INCA1: variants seen among roughly 807,000 people sequenced by gnomAD.
The protein encoded by INCA1 is protein INCA1.
Under a neutral mutation model 25.7 loss-of-function variants are expected in INCA1, and 28 were observed. That is an observed-to-expected ratio of 1.09 (90% CI 0.81 to 1.49). The LOEUF (loss-of-function observed/expected upper bound fraction) is 1.49, where lower values mean the gene tolerates loss of function less well. INCA1 is among the 40% of genes most tolerant of loss of function. The pLI is 0.00. For missense variants in INCA1, 309 were observed against 290.9 expected (o/e 1.06, Z -0.45); for synonymous variants, 111 against 103.6 (o/e 1.07, Z -0.43).
At chr17:4,989,898 G>C in exon 4 of INCA1, 1 of 1,614,208 alleles carries the variant, frequency 6.2e-7, no homozygotes, top group African/African-American at 1.3e-5. Flanking sequence ...ACCAGCATGG[G>C]TGGAATGTGC....
intron 1 of INCA1, chr17:4,996,756 A>G (rs1462761115): frequency 1.3e-5 from 2 of 152,304 alleles, no homozygotes; most frequent in African/African-American, 4.8e-5. Flanking sequence ...GCCAGCTGGA[A>G]CTGTAGAGGT....
At chr17:4,995,263 T>C (rs905618689) in intron 1 of INCA1, among the ~76,000 whole-genome samples, 2 of 151,616 alleles carry the variant, frequency 1.3e-5, no homozygotes, top group South Asian at 2.1e-4. Flanking sequence ...AGGTTGAAGA[T>C]AGTGAGCACA....
exon 6 of INCA1, chr17:4,988,872 T>A: frequency 1.9e-6 from 3 of 1,614,212 alleles, no homozygotes; most frequent in Non-Finnish European, 2.5e-6. Context: ...TGCTGGGGAA[T>A]CCACAGCCCT....
Position 4,994,389 on chromosome 17 carries a change from C to T in INCA1, c.44+5G>A, listed in dbSNP as rs753818002. On this transcript the variant is annotated splice_donor_5th_base_variant and intron_variant, in intron 2 of 6. Coordinates refer to ENST00000576820, the Ensembl canonical transcript of INCA1. ...CCATGCTCCCCACCCAGTGGGAGGA[C>T]TCACTTGGCAAAGGGGATGAGGTTG... 6.8e-6 allele frequency: 11 copies of T among 1,613,700 alleles called. No homozygotes were observed. Among genetic ancestry groups the T allele is most frequent in the Non-Finnish European group, 9.3e-6 (11 of 1,179,854 alleles).
intron 2 of INCA1, among the ~76,000 whole-genome samples, chr17:4,994,124 T>C (rs1974065762): frequency 6.6e-6 from 1 of 152,194 alleles, no homozygotes; most frequent in Non-Finnish European, 1.5e-5. Context: ...TGTATTTGTT[T>C]GCACATTCTG....
intron 2 of INCA1, among the ~76,000 whole-genome samples, chr17:4,992,341 GACCCAA>G (rs1207793992): frequency 6.6e-6 from 1 of 152,124 alleles, no homozygotes; most frequent in Non-Finnish European, 1.5e-5. Flanking sequence ...GGAGTGCAGT[GACCCAA>G]TTATAGCTCA....
chr17:4,992,690 C>G (rs559084086), intron 2 of INCA1, among the ~76,000 whole-genome samples: 1 of 142,972 alleles, frequency 7.0e-6, no homozygotes, highest in South Asian at 2.4e-4. Context: ...CTTTCTTTCT[C>G]TCCTTCTTTC....
intron 4 of INCA1, 56 bp from the exon 5 acceptor site, chr17:4,989,680 A>G (rs1469573838): frequency 6.3e-7 from 1 of 1,599,572 alleles, no homozygotes; most frequent in Non-Finnish European, 8.5e-7. Context: ...CTCTCAAGGG[A>G]GCTTGGATTG....
chr17:4,989,892 G>T, exon 4 of INCA1: 1 of 1,614,226 alleles, frequency 6.2e-7, no homozygotes, highest in Non-Finnish European at 8.5e-7. Context: ...TGTCTTACCA[G>T]CATGGGTGGA....
exon 3 of INCA1, chr17:4,990,184 A>G: frequency 1.9e-6 from 3 of 1,614,218 alleles, no homozygotes; most frequent in African/African-American, 2.7e-5. Flanking sequence ...TCCAGAAGAC[A>G]TCTCCATAAC....
chr17:4,995,137 G>A lies in INCA1; in HGVS notation c.-38-662C>T, dbSNP rs183251270. ...GAAGAATCACTTGAACCAGGGAGTA[G>A]GAAGTTGCAGTGAGCTGAAATTGCA... On this transcript the variant is annotated intron_variant, in intron 1 of 6. Coordinates refer to ENST00000576820, the Ensembl canonical transcript of INCA1. Among the ~76,000 whole-genome samples the A allele has an allele frequency of 3.0e-4, 46 of 152,068 alleles. 1 individual carries two copies. In the East Asian group the frequency reaches 8.5e-3, roughly 28 times the overall value.
At chr17:4,988,991 T>C (rs774364004) in intron 5 of INCA1, 47 bp from the exon 6 acceptor site, 6 of 1,549,212 alleles carry the variant, frequency 3.9e-6, no homozygotes, top group Non-Finnish European at 5.3e-6. Context: ...AGGCCAGGCT[T>C]CCTGTCTCTC....
chr17:4,989,530 A>G (rs1169955409), exon 5 of INCA1: 12 of 1,614,162 alleles, frequency 7.4e-6, no homozygotes, highest in Admixed American at 3.3e-5. Context: ...CATTCCTTCC[A>G]AACATGGCCT....
intron 1 of INCA1, among the ~76,000 whole-genome samples, chr17:4,995,640 A>G (rs1974189399): frequency 6.6e-6 from 1 of 152,094 alleles, no homozygotes; most frequent in Non-Finnish European, 1.5e-5. Context: ...ATTTAAAAAA[A>G]AAAAGTTGGC....
intron 2 of INCA1, among the ~76,000 whole-genome samples, chr17:4,992,244 C>G (rs1973920134): frequency 6.6e-6 from 1 of 152,168 alleles, no homozygotes; most frequent in African/African-American, 2.4e-5. Context: ...ATGTCACTCT[C>G]TGCCTTAAAA....
chr17:4,989,809 G>A (rs967343555), intron 4 of INCA1, 81 bp downstream of exon 4: 4 of 1,599,354 alleles, frequency 2.5e-6, no homozygotes, highest in African/African-American at 1.3e-5. Flanking sequence ...GAGGGAAGCG[G>A]TAATAAGGAG....
intron 2 of INCA1, among the ~76,000 whole-genome samples, chr17:4,992,199 C>T (rs1043789902): frequency 6.6e-6 from 1 of 151,602 alleles, no homozygotes; most frequent in Non-Finnish European, 1.5e-5. Context: ...TGAAATTTTC[C>T]ATAATAAAAA....
At chr17:4,993,767 CTT>C (rs934109564) in intron 2 of INCA1, among the ~76,000 whole-genome samples, 5 of 97,320 alleles carry the variant, frequency 5.1e-5, no homozygotes, top group Non-Finnish European at 7.9e-5. Context: ...CGTGCCTGGC[CTT>C]TTTTTTTTTT....
At chr17:4,988,597 GTCT>G (rs1226336341) in intron 6 of INCA1, 43 bp from the exon 7 acceptor site, 3 of 1,605,352 alleles carry the variant, frequency 1.9e-6, no homozygotes, top group South Asian at 2.2e-5. Flanking sequence ...GGAAAAGTAG[GTCT>G]TCTTTCCAGA....
Sources: gnomAD v4.1 joint callset for allele counts (sites outside exome capture counted in the v4.1 genomes callset) on GRCh38, gnomAD v4.1.1 for gene constraint, MANE v1.5 for transcripts, NCBI Gene and HGNC (gene_info 2026-07-23, HGNC 2026-07-21) for gene names.